Variants in GRM8 observed in about 807,000 individuals in gnomAD.
GRM8 encodes glutamate metabotropic receptor 8.
In GRM8, 47 loss-of-function variants were observed where a neutral mutation model predicts 87.2. That is an observed-to-expected ratio of 0.54 (90% confidence interval 0.43 to 0.69). The LOEUF is 0.69. Among genes scored for constraint, GRM8 ranks in the 30% least tolerant of loss-of-function variants. The probability of loss-of-function intolerance (pLI) is 0.00; values close to 1 mark genes in which losing one functional copy is unlikely to be tolerated. For missense variants in GRM8, 1,019 were observed against 1,139.2 expected, an observed-to-expected ratio of 0.89 and a Z score of 1.52; for synonymous variants, 396 against 404.5, an observed-to-expected ratio of 0.98 and a Z score of 0.25.
At chr7:126,542,922 A>G (rs950945865) in intron 8 of GRM8, among the ~76,000 whole-genome samples, 11 of 152,260 alleles carry the variant, frequency 7.2e-5, no homozygotes, top group Non-Finnish European at 1.5e-5. Context: ...AAGATAGGAT[A>G]GATTTGAGAT....
chr7:126,548,887 A>G (rs1305629773), intron 8 of GRM8, among the ~76,000 whole-genome samples: 2 of 152,218 alleles, frequency 1.3e-5, no homozygotes, highest in Non-Finnish European at 2.9e-5. Context: ...TTTCAAAATC[A>G]TAAGTATAAA....
At chr7:126,569,891 C>T (rs530585378) in intron 8 of GRM8, among the ~76,000 whole-genome samples, 1 of 152,232 alleles carries the variant, frequency 6.6e-6, no homozygotes, top group Non-Finnish European at 1.5e-5. Flanking sequence ...AGACATCATC[C>T]TTTTTAAATT....
chr7:126,620,269 A>G (rs1254777490), intron 7 of GRM8, among the ~76,000 whole-genome samples: 1 of 152,130 alleles, frequency 6.6e-6, no homozygotes, highest in Non-Finnish European at 1.5e-5. Context: ...ACTCCAGGTG[A>G]CAGAGCAAGA....
At chr7:127,202,460 G>A (rs558108243) in intron 2 of GRM8, among the ~76,000 whole-genome samples, 18 of 152,308 alleles carry the variant, frequency 1.2e-4, no homozygotes, top group South Asian at 1.0e-3. Context: ...TTACAGGCAT[G>A]AGCCACCTCA....
At chr7:127,018,131 A>G (rs1472436706) in intron 3 of GRM8, among the ~76,000 whole-genome samples, 2 of 151,954 alleles carry the variant, frequency 1.3e-5, no homozygotes, top group African/African-American at 4.8e-5. Flanking sequence ...ATACAGACCA[A>G]TAAGAGTAAT....
chr7:126,757,680 T>G (rs1817167295), intron 7 of GRM8, among the ~76,000 whole-genome samples: 1 of 152,156 alleles, frequency 6.6e-6, no homozygotes, highest in Admixed American at 6.6e-5. Flanking sequence ...AGGACTTTTC[T>G]CTGATTGAGT....
intron 7 of GRM8, among the ~76,000 whole-genome samples, chr7:126,740,760 G>GGT (rs1304946637): frequency 1.7e-4 from 26 of 152,248 alleles, no homozygotes; most frequent in Admixed American, 3.3e-4. Context: ...TGGCAGCAGA[G>GGT]TCTTGTCTTA....
intron 2 of GRM8, among the ~76,000 whole-genome samples, chr7:127,182,954 C>T (rs1288635596): frequency 6.6e-6 from 1 of 151,768 alleles, no homozygotes; most frequent in African/African-American, 2.4e-5. Flanking sequence ...GTGTATACTG[C>T]TCGGGTGATG....
At chr7:127,208,460 A>T (rs1299246021) in intron 2 of GRM8, among the ~76,000 whole-genome samples, 5 of 152,186 alleles carry the variant, frequency 3.3e-5, no homozygotes. Context: ...ATAACCCTTT[A>T]TAAGAAATAA....
chr7:127,113,987 TAAG>T (rs1251066315), intron 2 of GRM8, among the ~76,000 whole-genome samples: 1 of 151,862 alleles, frequency 6.6e-6, no homozygotes, highest in Non-Finnish European at 1.5e-5. Flanking sequence ...GAAAACAGGC[TAAG>T]GAGAGGGAAA....
intron 9 of GRM8, among the ~76,000 whole-genome samples, chr7:126,473,354 C>A (rs1805522759): frequency 6.6e-6 from 1 of 152,196 alleles, no homozygotes; most frequent in South Asian, 2.1e-4. Flanking sequence ...CAAAGGAGAT[C>A]ATTTTGGAGC....
At chr7:126,798,766 G>A (rs1822286646) in intron 6 of GRM8, among the ~76,000 whole-genome samples, 1 of 152,142 alleles carries the variant, frequency 6.6e-6, no homozygotes, top group Non-Finnish European at 1.5e-5. Flanking sequence ...CATCACTGAG[G>A]ACAGATGACT....
intron 2 of GRM8, among the ~76,000 whole-genome samples, chr7:127,195,974 A>T (rs1020279863): frequency 2.0e-4 from 31 of 152,230 alleles, no homozygotes; most frequent in Non-Finnish European, 3.7e-4. Context: ...ATGGATGGAA[A>T]ATAAACAAAA....
At position 126,822,272 on chromosome 7, in the gene GRM8, T is replaced by C. The variant is rs377685944; in HGVS notation, c.1157-52207A>G. Among the ~76,000 whole-genome samples the C allele has an allele frequency of 1.6e-4, 24 of 152,302 alleles. No homozygotes were observed. In the East Asian group the frequency reaches 3.5e-3, roughly 22 times the overall value. On this transcript the variant is annotated intron_variant, in intron 6 of 10. Coordinates refer to ENST00000339582, the MANE Select transcript of GRM8 (RefSeq NM_000845.3). Reference sequence around the variant, plus strand: ...AAGGACACCAAGAACTCTCTTGTCATTTAAAGTTTCTTTAAAAGAAACTTC... The same window carrying C: ...AAGGACACCAAGAACTCTCTTGTCACTTAAAGTTTCTTTAAAAGAAACTTC...
chr7:127,191,937 T>G (rs1795050263), intron 2 of GRM8, among the ~76,000 whole-genome samples: 1 of 152,226 alleles, frequency 6.6e-6, no homozygotes, highest in African/African-American at 2.4e-5. Context: ...ATTTTCCATT[T>G]TTCTATCTTC....
chr7:126,926,265 T>C (rs568167313), intron 3 of GRM8, among the ~76,000 whole-genome samples: 26 of 152,356 alleles, frequency 1.7e-4, no homozygotes, highest in African/African-American at 6.0e-4. Context: ...ATAGATATTA[T>C]TTAACCTAGT....
Position 126,533,547 on chromosome 7 carries a change from G to C in GRM8, c.1835C>G (p.Pro612Arg). 6.2e-7 allele frequency: 1 copy of C among 1,614,062 alleles called. No individual in the cohort carries two copies. Among genetic ancestry groups the C allele is most frequent in the South Asian group, 1.1e-5 (1 of 91,086 alleles). Residue 612 changes from proline to arginine, a missense_variant, in exon 9 of 11, where the codon CCT (proline) becomes CGT (arginine). Coordinates refer to ENST00000339582, the MANE Select transcript of GRM8 (RefSeq NM_000845.3). ...TTCGCGTCCTGAAGCCCTCACGATA[G>C]GTGTGTCATTATAGCGGACAAAGGT... The part of the protein sequence containing the change: ...IVTFVRYNDT[P>R]IVRASGRELS...
At chr7:126,477,387 C>A (rs1455798460) in intron 9 of GRM8, among the ~76,000 whole-genome samples, 1 of 151,870 alleles carries the variant, frequency 6.6e-6, no homozygotes, top group Non-Finnish European at 1.5e-5. Context: ...TCTCACCTGA[C>A]ACACAGACAC....
chr7:127,184,824 T>G (rs1183728401), intron 2 of GRM8, among the ~76,000 whole-genome samples: 3 of 152,086 alleles, frequency 2.0e-5, no homozygotes, highest in African/African-American at 7.2e-5. Context: ...TCAATTGCTC[T>G]TCTATATACC....
Sources: gnomAD v4.1 joint callset for allele counts (sites outside exome capture counted in the v4.1 genomes callset) on GRCh38, gnomAD v4.1.1 for gene constraint, MANE v1.5 for transcripts, NCBI Gene and HGNC (gene_info 2026-07-23, HGNC 2026-07-21) for gene names.